The following TNRC6A variants were observed in gnomAD, a reference collection of about 807,000 sequenced individuals.
TNRC6A encodes the protein trinucleotide repeat-containing gene 6A protein.
A neutral mutation model predicts 221.2 loss-of-function variants in TNRC6A; 44 were observed. That is an observed-to-expected ratio of 0.20 (90% confidence interval 0.16 to 0.26). The LOEUF (loss-of-function observed/expected upper bound fraction) is 0.26, where lower values mean the gene tolerates loss of function less well. Ranked by LOEUF, TNRC6A falls within the 10% of genes least tolerant of loss-of-function variation. The pLI is 1.00. For missense variants in TNRC6A, 2,199 were observed against 2,404.4 expected (o/e 0.91, Z 1.79); for synonymous variants, 847 against 838.5 (o/e 1.01, Z -0.18).
intron 2 of TNRC6A, among the ~76,000 whole-genome samples, chr16:24,694,187 G>C (rs1017553697): frequency 6.6e-6 from 1 of 152,122 alleles, no homozygotes; most frequent in Non-Finnish European, 1.5e-5. Flanking sequence ...CCCAGGGAAA[G>C]TGACAGTGCT....
chr16:24,613,104 A>G (rs1406343662), intron 1 of TNRC6A, among the ~76,000 whole-genome samples: 2 of 101,806 alleles, frequency 2.0e-5, no homozygotes, highest in Non-Finnish European at 3.8e-5. Context: ...TGACAGAGTG[A>G]GACTCTGTCT....
intron 4 of TNRC6A, among the ~76,000 whole-genome samples, chr16:24,766,928 C>T (rs892253093): frequency 1.3e-5 from 2 of 152,096 alleles, no homozygotes; most frequent in South Asian, 2.1e-4. Context: ...CCACCTGCCT[C>T]GGCCTCCCAA....
rs1327149909 is a variant in TNRC6A at position 24,777,252 on chromosome 16, C to T, written c.483C>T (p.Asn161=). Residue 161 remains asparagine (N), a synonymous_variant, in exon 5 of 25, where the codon AAC becomes AAT. Transcript: ENST00000395799. ...AGCATTTTCCTGTTATAGCAGCAAA[C>T]CTTGGATCTGCTGTTAAGGTGTTAA... is the stretch of plus-strand genomic sequence containing the variant. ...RGQHFPVIAA[N]LGSAVKVLNS... The T allele has an allele frequency of 3.1e-6, 5 of 1,614,016 alleles. No homozygotes were observed. The highest frequency in any genetic ancestry group is 4.2e-6 in the Non-Finnish European group (5 of 1,180,032).
chr16:24,675,692 CTCTCTCTCTCTATATATA>C (rs1161969347), intron 2 of TNRC6A, among the ~76,000 whole-genome samples: 13 of 85,800 alleles, frequency 1.5e-4, no homozygotes, highest in African/African-American at 2.5e-4. Flanking sequence ...CTCTCTCTCT[CTCTCTCTCTCTATATATA>C]TATATATATA....
chr16:24,730,679 A>G (rs1412450180), intron 2 of TNRC6A, among the ~76,000 whole-genome samples: 2 of 135,388 alleles, frequency 1.5e-5, no homozygotes, highest in African/African-American at 5.6e-5. Context: ...CTTCCCCGTT[A>G]TTACTTTGTA....
chr16:24,814,255 C>T (rs770808048), intron 18 of TNRC6A, among the ~76,000 whole-genome samples: 18 of 151,994 alleles, frequency 1.2e-4, no homozygotes, highest in Non-Finnish European at 2.5e-4. Flanking sequence ...CAGGGCCCGG[C>T]TGTGTGTTAT....
intron 4 of TNRC6A, among the ~76,000 whole-genome samples, chr16:24,767,107 T>C (rs1321586039): frequency 6.6e-6 from 1 of 152,238 alleles, no homozygotes. Context: ...CAGATGTATT[T>C]GATGCAAATA....
intron 2 of TNRC6A, among the ~76,000 whole-genome samples, chr16:24,648,340 T>C (rs868593292): frequency 7.1e-6 from 1 of 141,690 alleles, no homozygotes; most frequent in African/African-American, 2.7e-5. Flanking sequence ...GGCACAATCT[T>C]GGCTCACTGC....
At chr16:24,816,687 A>C in intron 19 of TNRC6A, 129 bp from the exon 20 acceptor site, 2 of 1,083,834 alleles carry the variant, frequency 1.8e-6, no homozygotes, top group Non-Finnish European at 2.6e-6. Flanking sequence ...CCATCCTCTT[A>C]GAGTATTAGT....
chr16:24,728,119 T>C (rs2056523393), upstream of TNRC6A, among the ~76,000 whole-genome samples: 1 of 152,210 alleles, frequency 6.6e-6, no homozygotes, highest in Non-Finnish European at 1.5e-5. Flanking sequence ...AGGGAAGTTT[T>C]GTTTGTTTTT....
intron 1 of TNRC6A, among the ~76,000 whole-genome samples, chr16:24,635,009 G>A (rs1056920231): frequency 2.0e-5 from 3 of 152,054 alleles, no homozygotes; most frequent in Non-Finnish European, 4.4e-5. Context: ...GCCCAGGCTG[G>A]TCTTGAACTC....
rs141396083 is a variant in TNRC6A, at chr16:24,675,853, G to A, written n.402+34844G>A. On this transcript the variant is annotated intron_variant and non_coding_transcript_variant, in intron 2 of 2. Coordinates refer to the TNRC6A transcript ENST00000566108. ...TACCACCTCTTCCTTTGCATTCCTG[G>A]AGACCTTTGCTGCTCTGTCTGCTGG... Among the ~76,000 whole-genome samples, 17 of 150,842 alleles carry A rather than the reference G, an allele frequency of 1.1e-4. No homozygotes were observed. The East Asian group carries it at 3.3e-3, about 30-fold the overall frequency.
chr16:24,819,734 C>T (rs2058731085), intron 21 of TNRC6A: 2 of 211,302 alleles, frequency 9.5e-6, no homozygotes, highest in Non-Finnish European at 1.9e-5. Context: ...AGTTGGGGCT[C>T]TTTTGCAGTC....
chr16:24,628,610 T>G (rs930153933), intron 1 of TNRC6A, among the ~76,000 whole-genome samples: 1 of 152,160 alleles, frequency 6.6e-6, no homozygotes, highest in African/African-American at 2.4e-5. Context: ...TTCTACTTAA[T>G]GAATAGTAAA....
chr16:24,741,228 C>G (rs185579665), intron 2 of TNRC6A, among the ~76,000 whole-genome samples: 125 of 152,234 alleles, frequency 8.2e-4, no homozygotes, highest in African/African-American at 3.0e-3. Flanking sequence ...TTGTCTTGTT[C>G]CTAATCTTGA....
chr16:24,726,663 T>G, upstream of TNRC6A, among the ~76,000 whole-genome samples: 1 of 152,150 alleles, frequency 6.6e-6, no homozygotes, highest in East Asian at 1.9e-4. Context: ...AAGAAAGCAT[T>G]GTTGGGAACG....
At chr16:24,666,986 C>T (rs2040603) in intron 2 of TNRC6A, among the ~76,000 whole-genome samples, 20,418 of 151,594 alleles carry the variant, frequency 0.13, 1,590 homozygotes, top group African/African-American at 0.19. Context: ...CGCAGTGGCA[C>T]GTGCCTGTAG....
Position 24,730,237 on chromosome 16 carries a change from T to G in TNRC6A, c.6-16T>G. On this transcript the variant is annotated splice_polypyrimidine_tract_variant and intron_variant, in intron 1 of 24. Coordinates refer to ENST00000395799, the MANE Select transcript of TNRC6A (RefSeq NM_014494.4). ...TGTGTTTTTGTTTTGTTTTTGTTTT[T>G]GTTTTTTTGTTTCAGAGAATTGGAA... The G allele has an allele frequency of 6.2e-7, 1 of 1,600,906 alleles. No individual in the cohort carries two copies. The highest frequency in any genetic ancestry group is 8.5e-7 in the Non-Finnish European group (1 of 1,176,742).
intron 2 of TNRC6A, among the ~76,000 whole-genome samples, chr16:24,739,717 G>A (rs1338877330): frequency 2.6e-5 from 4 of 151,984 alleles, no homozygotes; most frequent in Non-Finnish European, 5.9e-5. Flanking sequence ...GACCTCAAAT[G>A]ATCCACCCGC....
Sources: allele counts gnomAD v4.1 joint callset (sites outside exome capture counted in the v4.1 genomes callset), GRCh38; gene constraint gnomAD v4.1.1; transcripts MANE v1.5; gene names NCBI Gene and HGNC (gene_info 2026-07-23, HGNC 2026-07-21).